Variants in RIT2 observed in about 807,000 individuals in gnomAD.
RIT2 encodes the protein GTP-binding protein Rit2.
A neutral mutation model predicts 23.7 loss-of-function variants in RIT2; 24 were observed. The ratio of observed to expected loss-of-function variants is 1.01; its 90% confidence interval spans 0.73 to 1.43. The LOEUF is 1.43. Ranked by LOEUF, RIT2 falls within the 40% of genes most tolerant of loss-of-function variation. The pLI is 0.00. For missense variants in RIT2, 236 were observed against 266.9 expected, an observed-to-expected ratio of 0.88 and a Z score of 0.81; for synonymous variants, 107 against 91.1, an observed-to-expected ratio of 1.17 and a Z score of -0.99.
intron 4 of RIT2, among the ~76,000 whole-genome samples, chr18:42,871,057 A>C (rs1431086849): frequency 2.6e-5 from 4 of 152,168 alleles, no homozygotes; most frequent in Non-Finnish European, 5.9e-5. Context: ...GATGACCTAC[A>C]TCGTGCACTG....
intron 1 of RIT2, among the ~76,000 whole-genome samples, chr18:43,096,106 G>C (rs1913546361): frequency 6.6e-6 from 1 of 151,834 alleles, no homozygotes; most frequent in Non-Finnish European, 1.5e-5. Context: ...AGTAGAAAAA[G>C]GAAGGAAGGA....
At chr18:43,028,536 C>T (rs1911784114) in intron 2 of RIT2, among the ~76,000 whole-genome samples, 1 of 152,010 alleles carries the variant, frequency 6.6e-6, no homozygotes, top group Admixed American at 6.6e-5. Flanking sequence ...AATTATCTTT[C>T]TATTGTACCA....
intron 2 of RIT2, among the ~76,000 whole-genome samples, chr18:43,001,374 G>A (rs757195785): frequency 2.6e-5 from 4 of 151,892 alleles, no homozygotes; most frequent in Non-Finnish European, 4.4e-5. Context: ...AAATTTCAAG[G>A]AAAAATATTT....
At chr18:42,792,642 A>G (rs1914069549) in intron 4 of RIT2, among the ~76,000 whole-genome samples, 1 of 152,298 alleles carries the variant, frequency 6.6e-6, no homozygotes, top group Non-Finnish European at 1.5e-5. Context: ...GAGAACGATA[A>G]GGAATGTATA....
chr18:42,950,378 C>A (rs945859169), intron 3 of RIT2, among the ~76,000 whole-genome samples: 3 of 151,944 alleles, frequency 2.0e-5, no homozygotes. Context: ...CACCTTTCAC[C>A]ATTAAAAATT....
intron 4 of RIT2, among the ~76,000 whole-genome samples, chr18:42,791,519 T>G (rs1203297872): frequency 6.6e-6 from 1 of 152,236 alleles, no homozygotes; most frequent in Non-Finnish European, 1.5e-5. Flanking sequence ...GAGCTACCTA[T>G]TAGTGTCCCG....
intron 4 of RIT2, among the ~76,000 whole-genome samples, chr18:42,756,466 C>T (rs927230424): frequency 6.6e-6 from 1 of 152,068 alleles, no homozygotes; most frequent in Non-Finnish European, 1.5e-5. Flanking sequence ...GAAAGGTTGC[C>T]ATGGCAGCCA....
intron 1 of RIT2, among the ~76,000 whole-genome samples, chr18:43,100,870 C>T (rs1913666478): frequency 6.6e-6 from 1 of 151,784 alleles, no homozygotes; most frequent in African/African-American, 2.4e-5. Context: ...CTTCAGAATC[C>T]CCCAGTGCCA....
intron 3 of RIT2, among the ~76,000 whole-genome samples, chr18:42,945,811 A>C (rs1909715409): frequency 6.6e-6 from 1 of 152,140 alleles, no homozygotes; most frequent in Non-Finnish European, 1.5e-5. Flanking sequence ...TCCAACAGTC[A>C]GATAAAGTCA....
At position 42,987,128 on chromosome 18, in the gene RIT2, C is replaced by T. The variant is rs116611257; in HGVS notation, c.161-12981G>A. ...ATTATTGGTTTCAGTTATATATATA[C>T]ACATATGTGTGTGTGTGTATGAAAG... is the stretch of plus-strand genomic sequence containing the variant. On this transcript the variant is annotated intron_variant, in intron 2 of 4. Coordinates refer to ENST00000326695, the MANE Select transcript of RIT2 (RefSeq NM_002930.4). 5.8e-3 allele frequency among the ~76,000 whole-genome samples: 877 copies of T among 152,152 alleles called. 10 individuals are homozygous for T. The highest frequency in any genetic ancestry group is 0.02 in the African/African-American group (835 of 41,476).
chr18:42,959,921 C>T (rs1027741956), intron 3 of RIT2, among the ~76,000 whole-genome samples: 3 of 152,050 alleles, frequency 2.0e-5, no homozygotes, highest in East Asian at 1.9e-4. Flanking sequence ...CTGAAGTAAA[C>T]GTAGTATGGG....
chr18:42,775,167 G>T (rs1598648763), intron 4 of RIT2, among the ~76,000 whole-genome samples: 1 of 152,096 alleles, frequency 6.6e-6, no homozygotes, highest in African/African-American at 2.4e-5. Flanking sequence ...TTGGCTGAGG[G>T]TTCTGTTCAT....
chr18:42,996,466 C>G (rs1240661391), intron 2 of RIT2, among the ~76,000 whole-genome samples: 1 of 152,046 alleles, frequency 6.6e-6, no homozygotes, highest in Non-Finnish European at 1.5e-5. Flanking sequence ...ATCCAGATGG[C>G]CCATTCCTGC....
intron 2 of RIT2, among the ~76,000 whole-genome samples, chr18:42,977,354 T>C (rs1425975741): frequency 6.6e-6 from 1 of 152,124 alleles, no homozygotes; most frequent in African/African-American, 2.4e-5. Flanking sequence ...TTTTGTTTTA[T>C]GTAGCATTTA....
chr18:42,880,076 T>C (rs1469955567), intron 4 of RIT2, among the ~76,000 whole-genome samples: 1 of 152,190 alleles, frequency 6.6e-6, no homozygotes, highest in African/African-American at 2.4e-5. Flanking sequence ...AGGGATCTGG[T>C]GTCCCTGCTA....
At chr18:43,019,149 C>T (rs372569398) in intron 2 of RIT2, among the ~76,000 whole-genome samples, 1 of 151,756 alleles carries the variant, frequency 6.6e-6, no homozygotes, top group East Asian at 1.9e-4. Flanking sequence ...CTAACAGAAA[C>T]TTACTTCACT....
rs1555652892 is a variant in RIT2 at position 43,026,588 on chromosome 18, G to GAAAGAAAT, written c.160+7222_160+7223insATTTCTTT. ...AAGAAATAAATAAGAAAGAAAGAAA[G>GAAAGAAAT]AAAGAAAGAAAGAAAGAAAGAAAGA... On this transcript the variant is annotated intron_variant, in intron 2 of 4. Transcript: ENST00000326695. Among the ~76,000 whole-genome samples, 545 of 109,762 alleles carry GAAAGAAAT rather than the reference G, an allele frequency of 5.0e-3. 8 individuals carry two copies. The highest frequency in any genetic ancestry group is 0.026 in the South Asian group (81 of 3,058). The allele number at this position is 109,762 out of a possible 152,430, so 72.0% of individuals were successfully genotyped here.
intron 1 of RIT2, among the ~76,000 whole-genome samples, chr18:43,097,863 T>C (rs1913592019): frequency 6.6e-6 from 1 of 151,940 alleles, no homozygotes; most frequent in Admixed American, 6.6e-5. Context: ...TGGAAGACCA[T>C]CCATCACTTT....
rs550510438 is a variant in RIT2 at position 43,002,722 on chromosome 18, G to A, written c.161-28575C>T. Among the ~76,000 whole-genome samples the A allele has an allele frequency of 1.8e-4, 27 of 151,978 alleles. 1 individual carries two copies. In the South Asian group the frequency reaches 4.4e-3, roughly 25 times the overall value. On this transcript the variant is annotated intron_variant, in intron 2 of 4. Transcript: ENST00000326695. ...ATAATCTACTATAACACCTGTTGTC[G>A]GAGGAATACTGCTGCCAGTCCCCCA...
Sources: gnomAD v4.1 joint callset for allele counts (sites outside exome capture counted in the v4.1 genomes callset) on GRCh38, gnomAD v4.1.1 for gene constraint, MANE v1.5 for transcripts, NCBI Gene and HGNC (gene_info 2026-07-23, HGNC 2026-07-21) for gene names.